GSN: variants seen among roughly 807,000 people sequenced by gnomAD.
The protein encoded by GSN is gelsolin.
Under a neutral mutation model 85.7 loss-of-function variants are expected in GSN, and 56 were observed. The observed-to-expected ratio is 0.65, with a 90% CI of 0.53 to 0.82. The LOEUF (loss-of-function observed/expected upper bound fraction) is 0.82, where lower values mean the gene tolerates loss of function less well. GSN is among the 40% of genes least tolerant of loss of function. The pLI, the probability that GSN is intolerant of heterozygous loss-of-function variation, is 0.00. For synonymous variants in GSN, 373 were observed against 399.1 expected, an observed-to-expected ratio of 0.93 and a Z score of 0.78; for missense variants, 857 against 979.8, an observed-to-expected ratio of 0.87 and a Z score of 1.67.
intron 4 of GSN, among the ~76,000 whole-genome samples, chr9:121,221,170 A>G (rs2054163005): frequency 6.6e-6 from 1 of 152,090 alleles, no homozygotes; most frequent in African/African-American, 2.4e-5. Context: ...AACATCACAA[A>G]CTCAACCTTT....
At chr9:121,296,385 G>A (rs1339125326) in intron 2 of GSN, among the ~76,000 whole-genome samples, 3 of 152,198 alleles carry the variant, frequency 2.0e-5, no homozygotes, top group African/African-American at 7.2e-5. Flanking sequence ...CCTCAAGTCA[G>A]GGGCTGTGGA....
intron 2 of GSN, chr9:121,282,050 T>C: frequency 2.1e-6 from 1 of 475,412 alleles, no homozygotes. Flanking sequence ...GGATGAGTCA[T>C]GCCCGCTGGG....
chr9:121,302,214 A>G, intron 3 of GSN, 47 bp downstream of exon 3: 1 of 1,602,488 alleles, frequency 6.2e-7, no homozygotes, highest in Non-Finnish European at 8.5e-7. Flanking sequence ...CATTCTGAAC[A>G]GTGCAGACCT....
At chr9:121,325,772 C>T (rs748728021) in intron 12 of GSN, among the ~76,000 whole-genome samples, 2 of 151,988 alleles carry the variant, frequency 1.3e-5, no homozygotes, top group African/African-American at 2.4e-5. Context: ...CTCAGTGCAT[C>T]CTGACAACAG....
chr9:121,242,448 C>T (rs1378006796), intron 5 of GSN, among the ~76,000 whole-genome samples: 1 of 151,564 alleles, frequency 6.6e-6, no homozygotes, highest in Non-Finnish European at 1.5e-5. Flanking sequence ...CTGCTGTCCT[C>T]TGGAAAAAGG....
intron 11 of GSN, 147 bp downstream of exon 11, chr9:121,321,548 G>T: frequency 1.5e-6 from 1 of 680,206 alleles, no homozygotes; most frequent in Non-Finnish European, 2.5e-6. Context: ...AACACCATTT[G>T]CTTATTTCTC....
chr9:121,324,751 GTCCATCCATCCATCCATCCA>G (rs57419831), intron 12 of GSN, 107 bp downstream of exon 12: 6 of 679,520 alleles, frequency 8.8e-6, no homozygotes, highest in South Asian at 3.1e-5. Flanking sequence ...CTGTCTGTCT[GTCCATCCATCCATCCATCCA>G]TCCATCCATC....
chr9:121,311,184 C>T, intron 5 of GSN: 1 of 379,638 alleles, frequency 2.6e-6, no homozygotes, highest in Admixed American at 4.0e-5. Flanking sequence ...TGTGCACCAT[C>T]ATGAATGCCC....
At chr9:121,252,122 G>T (rs542274368) in intron 6 of GSN, among the ~76,000 whole-genome samples, 1 of 152,310 alleles carries the variant, frequency 6.6e-6, no homozygotes, top group African/African-American at 2.4e-5. Context: ...AGTGTTGATG[G>T]GGGTATATAA....
At chr9:121,255,244 G>A (rs539780621) in intron 6 of GSN, among the ~76,000 whole-genome samples, 11 of 152,074 alleles carry the variant, frequency 7.2e-5, no homozygotes, top group Admixed American at 2.0e-4. Context: ...CACCGCACCC[G>A]GCCATTTATT....
At chr9:121,228,573 A>G (rs142678917) in intron 4 of GSN, among the ~76,000 whole-genome samples, 2,593 of 151,060 alleles carry the variant, frequency 0.017, 72 homozygotes, top group African/African-American at 0.06. Context: ...AGCTGGGACT[A>G]CAGGTGTGTG....
rs766660209 is a variant in GSN, at chr9:121,301,943, T to C, written c.-9-20T>C. ...TGCCAGGACCCTGCCCCGCTTAGGCTCTGCCCTGTCTCATCCCAGCCCAAC... is the reference window on the plus strand; with the variant it reads ...TGCCAGGACCCTGCCCCGCTTAGGCCCTGCCCTGTCTCATCCCAGCCCAAC... On this transcript the variant is annotated intron_variant, in intron 2 of 17. Transcript: ENST00000432226. 1.9e-6 allele frequency: 3 copies of C among 1,614,066 alleles called. No homozygotes were observed. Among genetic ancestry groups the C allele is most frequent in the Non-Finnish European group, 1.7e-6 (2 of 1,179,984 alleles).
chr9:121,277,232 A>G (rs2056792946), intron 1 of GSN, among the ~76,000 whole-genome samples: 1 of 152,250 alleles, frequency 6.6e-6, no homozygotes, highest in East Asian at 1.9e-4. Flanking sequence ...ACATCATGAA[A>G]GATGTCTTTA....
intron 6 of GSN, among the ~76,000 whole-genome samples, chr9:121,255,952 C>T (rs2054948710): frequency 6.6e-6 from 1 of 152,146 alleles, no homozygotes; most frequent in South Asian, 2.1e-4. Flanking sequence ...CCACACAGTG[C>T]TTTACATGAT....
intron 2 of GSN, chr9:121,282,147 A>T: frequency 2.1e-6 from 1 of 467,612 alleles, no homozygotes; most frequent in South Asian, 2.0e-5. Flanking sequence ...AGGAGTGCAG[A>T]GTCCTGGGCT....
intron 6 of GSN, among the ~76,000 whole-genome samples, chr9:121,251,184 G>GTTTTTTTTTTTTTTTTTTTTTTT (rs1339859188): frequency 1.6e-4 from 1 of 6,372 alleles, no homozygotes; most frequent in African/African-American, 8.8e-4. Flanking sequence ...CAGCTGATGT[G>GTTTTTTTTTTTTTTTTTTTTTTT]TTCTTTTTTT....
At position 121,317,199 on chromosome 9, in the gene GSN, G is replaced by GA. The variant is rs2061818636; in HGVS notation, c.871dup (p.Ile291AsnfsTer23). ...TCATCCTGGACCACGGCAAAGATGG[G>GA]AAAATCTTTGTCTGGAAAGGTACTG... is the stretch of plus-strand genomic sequence containing the variant. On this transcript the variant is annotated frameshift_variant, in exon 8 of 18. Transcript: ENST00000432226. LOFTEE classifies it high-confidence loss of function. 6.2e-7 allele frequency: 1 copy of GA among 1,614,050 alleles called. No homozygotes were observed. Among genetic ancestry groups the GA allele is most frequent in the Non-Finnish European group, 8.5e-7 (1 of 1,180,030 alleles).
chr9:121,206,081 G>C (rs2053876998), upstream of GSN, among the ~76,000 whole-genome samples: 1 of 151,808 alleles, frequency 6.6e-6, no homozygotes, highest in Admixed American at 6.6e-5. Flanking sequence ...CCCAATTCCT[G>C]AAGCAGTATT....
chr9:121,261,986 A>G lies in GSN; in HGVS notation c.-340-3168A>G, dbSNP rs2055095890. Among the ~76,000 whole-genome samples, 1 of 152,202 alleles carries G rather than the reference A, an allele frequency of 6.6e-6. No homozygotes were observed. Among genetic ancestry groups the G allele is most frequent in the Admixed American group, 6.5e-5 (1 of 15,278 alleles). ...AGATTTTTTTGGTGTGGGTGTGTTT[A>G]AGGGATTTTATGAATTACTTTTTGT... On this transcript the variant is annotated intron_variant, in intron 6 of 24. Transcript: ENST00000373823. This position sits in a 1 kb window ranked among gnomAD's most constrained non-coding sequence, Gnocchi z 4.1.
Sources: gnomAD v4.1 joint callset for allele counts (sites outside exome capture counted in the v4.1 genomes callset) on GRCh38, gnomAD v4.1.1 for gene constraint, Gnocchi (gnomAD v3.1) non-coding constraint, MANE v1.5 for transcripts, NCBI Gene and HGNC (gene_info 2026-07-23, HGNC 2026-07-21) for gene names.